Variants in RIPOR2 observed in about 807,000 individuals in gnomAD.
The protein encoded by RIPOR2 is rho family-interacting cell polarization regulator 2.
A neutral mutation model predicts 114.5 loss-of-function variants in RIPOR2; 39 were observed. That is an observed-to-expected ratio of 0.34 (90% CI 0.26 to 0.44). The LOEUF is 0.44. Among genes scored for constraint, RIPOR2 ranks in the 20% least tolerant of loss-of-function variants. The pLI is 1.00. For missense variants in RIPOR2, 1,007 were observed against 1,255.1 expected, an observed-to-expected ratio of 0.80 and a Z score of 2.99; for synonymous variants, 445 against 484.4, an observed-to-expected ratio of 0.92 and a Z score of 1.07.
chr6:25,019,307 T>A (rs1411797741), intron 1 of RIPOR2, among the ~76,000 whole-genome samples: 1 of 152,156 alleles, frequency 6.6e-6, no homozygotes, highest in Non-Finnish European at 1.5e-5. Context: ...TCAGGAGAAA[T>A]TATTACCACT....
At chr6:24,822,643 C>T (rs539549290) in intron 19 of RIPOR2, among the ~76,000 whole-genome samples, 9 of 152,228 alleles carry the variant, frequency 5.9e-5, no homozygotes, top group East Asian at 5.8e-4. Context: ...CTCAGCCTCC[C>T]GAGTAGCTGG....
Position 24,881,104 on chromosome 6 carries a change from C to T in RIPOR2, c.62-5287G>A, listed in dbSNP as rs145725300. On this transcript the variant is annotated intron_variant, in intron 1 of 21. Coordinates refer to ENST00000643898, the MANE Select transcript of RIPOR2 (RefSeq NM_001286445.3). ...AAAAATACAAAAAAAATTAGCTGGG[C>T]GTGGTGGCGGGTGCCTGTAATCCCA... 6.4e-3 allele frequency among the ~76,000 whole-genome samples: 972 copies of T among 152,068 alleles called. 7 individuals carry two copies. The highest frequency in any genetic ancestry group is 0.022 in the African/African-American group (904 of 41,496).
chr6:24,823,330 T>C (rs1296060179), intron 19 of RIPOR2, among the ~76,000 whole-genome samples: 1 of 152,240 alleles, frequency 6.6e-6, no homozygotes, highest in Non-Finnish European at 1.5e-5. Context: ...CCAAATTCTG[T>C]TACTTAACTA....
At chr6:24,807,970 G>T (rs1780883521) in intron 21 of RIPOR2, among the ~76,000 whole-genome samples, 1 of 151,468 alleles carries the variant, frequency 6.6e-6, no homozygotes, top group Non-Finnish European at 1.5e-5. Flanking sequence ...ATTGACTTCA[G>T]GGGGGTCTCA....
intron 1 of RIPOR2, among the ~76,000 whole-genome samples, chr6:24,904,731 G>GT (rs1190986264): frequency 1.3e-5 from 2 of 152,212 alleles, no homozygotes; most frequent in Non-Finnish European, 2.9e-5. Context: ...GACCATGCTA[G>GT]TGGTAGTCTC....
At chr6:25,036,219 C>T (rs1777245965) in intron 1 of RIPOR2, among the ~76,000 whole-genome samples, 1 of 152,216 alleles carries the variant, frequency 6.6e-6, no homozygotes, top group Non-Finnish European at 1.5e-5. Flanking sequence ...CCAGTGGTAT[C>T]TCTGAGACAG....
At chr6:25,034,560 A>C (rs1210217813) in intron 1 of RIPOR2, among the ~76,000 whole-genome samples, 1 of 152,216 alleles carries the variant, frequency 6.6e-6, no homozygotes, top group Non-Finnish European at 1.5e-5. Context: ...TACCAACCAG[A>C]GACCAAGTTA....
At chr6:24,852,159 G>A (rs1482255738) in intron 9 of RIPOR2, among the ~76,000 whole-genome samples, 1 of 152,154 alleles carries the variant, frequency 6.6e-6, no homozygotes, top group Non-Finnish European at 1.5e-5. Context: ...CTACTCCAGA[G>A]GCCGAGGCAG....
chr6:24,821,034 G>A (rs550143733), intron 19 of RIPOR2, among the ~76,000 whole-genome samples: 5 of 151,532 alleles, frequency 3.3e-5, no homozygotes, highest in South Asian at 2.1e-4. Context: ...CACCACACCC[G>A]GCTAATTTTT....
chr6:24,984,783 C>G (rs1296841650), intron 1 of RIPOR2, among the ~76,000 whole-genome samples: 1 of 152,176 alleles, frequency 6.6e-6, no homozygotes, highest in Non-Finnish European at 1.5e-5. Flanking sequence ...GAAATATCAT[C>G]AGCCCAAGAA....
chr6:24,826,828 A>T (rs1760229971), intron 18 of RIPOR2, among the ~76,000 whole-genome samples: 1 of 152,204 alleles, frequency 6.6e-6, no homozygotes. Context: ...ATGTACATTC[A>T]ACTGAAAAAT....
intron 6 of RIPOR2, among the ~76,000 whole-genome samples, chr6:24,866,345 C>A (rs945955229): frequency 6.6e-6 from 1 of 152,068 alleles, no homozygotes; most frequent in Non-Finnish European, 1.5e-5. Flanking sequence ...TGATAATCAG[C>A]TAATTCTTCT....
chr6:25,028,572 T>C lies in RIPOR2; in HGVS notation c.76+13279A>G, dbSNP rs143942511. 6.5e-3 allele frequency among the ~76,000 whole-genome samples: 984 copies of C among 152,306 alleles called. 5 individuals are homozygous for C. The highest frequency in any genetic ancestry group is 0.02 in the African/African-American group (817 of 41,576). On this transcript the variant is annotated intron_variant, in intron 1 of 13. Transcript: ENST00000510784. ...TTGGACTGAGGATTAAGTGAAATAATGCCCAATAGGGGAGCTGGCACAATG... is the reference window on the plus strand; with the variant it reads ...TTGGACTGAGGATTAAGTGAAATAACGCCCAATAGGGGAGCTGGCACAATG...
At chr6:24,873,038 C>A (rs1309723586) in intron 3 of RIPOR2, 79 bp from the exon 4 acceptor site, 1 of 939,676 alleles carries the variant, frequency 1.1e-6, no homozygotes, top group East Asian at 2.4e-5. Flanking sequence ...ACTTTTCCTT[C>A]TCAAAGGGGA....
At chr6:24,926,877 C>A (rs368521657) in intron 1 of RIPOR2, among the ~76,000 whole-genome samples, 1 of 151,886 alleles carries the variant, frequency 6.6e-6, no homozygotes, top group East Asian at 1.9e-4. Context: ...GCAGCAGCAT[C>A]ATCAGCATCA....
intron 13 of RIPOR2, chr6:24,840,517 G>C: frequency 7.1e-7 from 1 of 1,418,342 alleles, no homozygotes; most frequent in Non-Finnish European, 9.2e-7. Context: ...GAGGATGCTG[G>C]GGTGGGTCGA....
intron 7 of RIPOR2, among the ~76,000 whole-genome samples, chr6:24,861,823 G>A (rs1482990579): frequency 3.3e-5 from 5 of 152,282 alleles, no homozygotes; most frequent in Middle Eastern, 3.4e-3. Context: ...AAGCAAATAT[G>A]GCCAAATATT....
chr6:25,027,537 A>G (rs1460956412), intron 1 of RIPOR2, among the ~76,000 whole-genome samples: 7 of 152,234 alleles, frequency 4.6e-5, no homozygotes. Context: ...AAATAAATAC[A>G]TAACCGGCCT....
intron 1 of RIPOR2, among the ~76,000 whole-genome samples, chr6:24,998,440 C>A (rs1203917237): frequency 6.6e-6 from 1 of 152,150 alleles, no homozygotes; most frequent in Non-Finnish European, 1.5e-5. Context: ...AGCAATCCCC[C>A]AAGGGATATT....
Sources: allele counts gnomAD v4.1 joint callset (sites outside exome capture counted in the v4.1 genomes callset), GRCh38; gene constraint gnomAD v4.1.1; transcripts MANE v1.5; gene names NCBI Gene and HGNC (gene_info 2026-07-23, HGNC 2026-07-21).